Variants in BRD10 observed in about 807,000 individuals in gnomAD.
The protein encoded by BRD10 is uncharacterized bromodomain-containing protein 10.
At chr9:5,911,878 T>G in the BRD10 span, among the ~76,000 whole-genome samples, 1 of 152,148 alleles carries the variant, frequency 6.6e-6, no homozygotes, top group African/African-American at 2.4e-5. Context: ...TTCTGGGACT[T>G]TGTGATTCTA....
chr9:5,919,583 C>CACAA, the BRD10 span: 27 of 1,025,296 alleles, frequency 2.6e-5, no homozygotes, highest in Admixed American at 2.8e-5. Context: ...CACACACACA[C>CACAA]AATGTATAGT....
the BRD10 span, among the ~76,000 whole-genome samples, chr9:5,989,257 A>C: frequency 1.4e-5 from 2 of 145,208 alleles, no homozygotes; most frequent in African/African-American, 5.1e-5. Context: ...AAAAAAAAAA[A>C]AAAAATCCAA....
At chr9:5,942,768 G>A in the BRD10 span, among the ~76,000 whole-genome samples, 2 of 152,164 alleles carry the variant, frequency 1.3e-5, no homozygotes, top group South Asian at 4.1e-4. Flanking sequence ...GCATGGACAA[G>A]TTAAAAGTTT....
the BRD10 span, chr9:5,922,792 C>A: frequency 7.4e-6 from 12 of 1,614,000 alleles, no homozygotes; most frequent in Non-Finnish European, 1.0e-5. Flanking sequence ...GGCCACAGGG[C>A]ATTTTGTATA....
the BRD10 span, among the ~76,000 whole-genome samples, chr9:5,885,995 A>G: frequency 6.6e-6 from 1 of 152,186 alleles, no homozygotes; most frequent in Non-Finnish European, 1.5e-5. Flanking sequence ...AAATCTTTTG[A>G]GCCAGGGGCT....
chr9:5,967,893 C>T, the BRD10 span: 2 of 603,792 alleles, frequency 3.3e-6, no homozygotes, highest in South Asian at 2.4e-5. Flanking sequence ...AAAATTTGAC[C>T]CTCAAATATA....
the BRD10 span, chr9:5,968,569 C>T: frequency 1.2e-6 from 2 of 1,613,700 alleles, no homozygotes; most frequent in African/African-American, 2.7e-5. Context: ...CATGATTATC[C>T]AAGATCATTT....
the BRD10 span, among the ~76,000 whole-genome samples, chr9:5,893,563 T>C: frequency 2.6e-5 from 4 of 152,130 alleles, no homozygotes; most frequent in African/African-American, 4.8e-5. Context: ...AGGGCGGCGG[T>C]ATCTTCTCAG....
chr9:5,979,937 C>G, the BRD10 span, among the ~76,000 whole-genome samples: 1 of 149,234 alleles, frequency 6.7e-6, no homozygotes, highest in African/African-American at 2.5e-5. Context: ...ATCACTTGAA[C>G]CTGGGAGGTG....
the BRD10 span, among the ~76,000 whole-genome samples, chr9:5,953,860 T>A: frequency 1.3e-5 from 2 of 152,180 alleles, no homozygotes. Flanking sequence ...AAATCTTGGT[T>A]ACATCTGCAC....
chr9:5,953,595 T>A, the BRD10 span, among the ~76,000 whole-genome samples: 1 of 152,136 alleles, frequency 6.6e-6, no homozygotes, highest in East Asian at 1.9e-4. Context: ...CCCAAATAAA[T>A]GAAAACGAAC....
chr9:5,939,315 T>C, the BRD10 span, among the ~76,000 whole-genome samples: 1 of 152,198 alleles, frequency 6.6e-6, no homozygotes, highest in African/African-American at 2.4e-5. Flanking sequence ...ATAACATTAC[T>C]TGTCAATATT....
chr9:5,898,442 C>A, the BRD10 span, among the ~76,000 whole-genome samples: 1 of 152,182 alleles, frequency 6.6e-6, no homozygotes, highest in Admixed American at 6.5e-5. Context: ...GCCCTTGTAA[C>A]TTAATCACCT....
the BRD10 span, among the ~76,000 whole-genome samples, chr9:5,881,023 G>A: frequency 3.3e-5 from 5 of 152,152 alleles, no homozygotes; most frequent in Admixed American, 3.3e-4. Context: ...AAAATTATAA[G>A]ATCTCACCCA....
At chr9:6,000,424 G>C in the BRD10 span, among the ~76,000 whole-genome samples, 3 of 152,126 alleles carry the variant, frequency 2.0e-5, no homozygotes, top group Non-Finnish European at 2.9e-5. Flanking sequence ...TACAGAGACA[G>C]CCTAAAGATC....
At chr9:5,934,390 G>A in the BRD10 span, among the ~76,000 whole-genome samples, 1 of 128,456 alleles carries the variant, frequency 7.8e-6, no homozygotes, top group African/African-American at 3.0e-5. Context: ...ACAGGGTCTT[G>A]CTCTGTTGCC....
chr9:5,888,124 C>G, the BRD10 span, among the ~76,000 whole-genome samples: 3 of 152,174 alleles, frequency 2.0e-5, no homozygotes, highest in African/African-American at 7.2e-5. Context: ...TAATCTAAGT[C>G]TTGAGCTGCT....
the BRD10 span, among the ~76,000 whole-genome samples, chr9:5,903,578 A>G: frequency 6.6e-6 from 1 of 152,168 alleles, no homozygotes; most frequent in Non-Finnish European, 1.5e-5. Flanking sequence ...TTTCTGATAG[A>G]GAGATGTTGA....
the BRD10 span, among the ~76,000 whole-genome samples, chr9:5,983,492 A>G: frequency 9.8e-5 from 15 of 152,346 alleles, no homozygotes; most frequent in East Asian, 2.9e-3. Context: ...AAAGACTTAG[A>G]AATTACAAAG....
Sources: allele counts gnomAD v4.1 joint callset (sites outside exome capture counted in the v4.1 genomes callset), GRCh38; gene constraint gnomAD v4.1.1; transcripts MANE v1.5; gene names NCBI Gene and HGNC (gene_info 2026-07-23, HGNC 2026-07-21).